LRRC7: variants seen among roughly 807,000 people sequenced by gnomAD.
LRRC7 encodes the protein leucine rich repeat containing 7, also known as leucine-rich repeat-containing protein 7.
In LRRC7, 23 loss-of-function variants were observed where a neutral mutation model predicts 175.7. The observed-to-expected ratio is 0.13, with a 90% CI of 0.09 to 0.19. The LOEUF (loss-of-function observed/expected upper bound fraction) is 0.19, where lower values mean the gene tolerates loss of function less well. LRRC7 is among the 10% of genes least tolerant of loss of function. The probability of loss-of-function intolerance (pLI) is 1.00; values close to 1 mark genes in which losing one functional copy is unlikely to be tolerated. For missense variants in LRRC7, 1,354 were observed against 1,904.7 expected (o/e 0.71, Z 5.38); for synonymous variants, 685 against 680.9 (o/e 1.01, Z -0.09).
chr1:69,826,766 C>T (rs1201933167), intron 5 of LRRC7, among the ~76,000 whole-genome samples: 1 of 152,040 alleles, frequency 6.6e-6, no homozygotes, highest in African/African-American at 2.4e-5. Flanking sequence ...ATTGGAAAGA[C>T]ATTTAATGGA....
intron 8 of LRRC7, among the ~76,000 whole-genome samples, chr1:69,948,839 G>T (rs1279301171): frequency 6.6e-6 from 1 of 152,152 alleles, no homozygotes; most frequent in Admixed American, 6.6e-5. Flanking sequence ...GCACATTACA[G>T]ACTTTCAGTG....
chr1:69,607,469 T>G (rs1292396636), intron 1 of LRRC7: 1 of 152,116 alleles, frequency 6.6e-6, no homozygotes, highest in Non-Finnish European at 1.5e-5. Flanking sequence ...TTTCTTCCCT[T>G]TATACCTTGA....
At chr1:69,896,805 A>G (rs942688670) in intron 7 of LRRC7, among the ~76,000 whole-genome samples, 3 of 152,134 alleles carry the variant, frequency 2.0e-5, no homozygotes, top group Admixed American at 1.3e-4. Context: ...ATTCTGTGGC[A>G]TGGTACTTGG....
intron 23 of LRRC7, among the ~76,000 whole-genome samples, chr1:70,068,704 G>A (rs1662158291): frequency 6.6e-6 from 1 of 151,976 alleles, no homozygotes; most frequent in African/African-American, 2.4e-5. Context: ...CGATTGTGTA[G>A]AATTGGTATG....
At chr1:70,063,101 C>T (rs1661705072) in intron 23 of LRRC7, among the ~76,000 whole-genome samples, 1 of 152,020 alleles carries the variant, frequency 6.6e-6, no homozygotes, top group African/African-American at 2.4e-5. Context: ...GTCACAAAAT[C>T]GGGGATTGTC....
At chr1:69,836,784 G>A (rs1009606608) in intron 6 of LRRC7, among the ~76,000 whole-genome samples, 3 of 151,214 alleles carry the variant, frequency 2.0e-5, no homozygotes, top group Non-Finnish European at 3.0e-5. Flanking sequence ...TCCTTTACTA[G>A]CAATATACCC....
chr1:69,817,201 C>T (rs934976906), intron 4 of LRRC7, among the ~76,000 whole-genome samples: 3 of 151,924 alleles, frequency 2.0e-5, no homozygotes. Flanking sequence ...AGCTCTACCC[C>T]TACTTTTTAT....
chr1:69,919,022 A>G (rs1254364675), intron 7 of LRRC7, among the ~76,000 whole-genome samples: 1 of 152,172 alleles, frequency 6.6e-6, no homozygotes, highest in Non-Finnish European at 1.5e-5. Context: ...CAATAGAAAA[A>G]GACTTAGAGG....
In LRRC7 at chr1:70,121,960, A is replaced by C; in HGVS notation, c.*73A>C. ...AAAAATAAATTTATACATAGAAACA[A>C]ATTTTGCCAATTGCTGGACCAATGG... is the stretch of plus-strand genomic sequence containing the variant. On this transcript the variant is annotated 3_prime_UTR_variant, in exon 27 of 27. Coordinates refer to ENST00000651989, the MANE Select transcript of LRRC7 (RefSeq NM_001370785.2). The C allele has an allele frequency of 9.4e-7, 1 of 1,063,002 alleles. No homozygotes were observed. The highest frequency in any genetic ancestry group is 1.4e-5 in the South Asian group (1 of 73,092). The allele number at this position is 1,063,002 out of a possible 1,614,324, so 65.8% of individuals were successfully genotyped here.
chr1:69,853,981 T>A (rs751169547), intron 7 of LRRC7, among the ~76,000 whole-genome samples: 9 of 152,196 alleles, frequency 5.9e-5, no homozygotes, highest in Non-Finnish European at 8.8e-5. Flanking sequence ...ATGATTATGT[T>A]TGTTAGTCCC....
chr1:70,068,226 A>G (rs943433723), intron 23 of LRRC7, among the ~76,000 whole-genome samples: 4 of 152,120 alleles, frequency 2.6e-5, no homozygotes, highest in African/African-American at 7.2e-5. Context: ...CATTAAGTAT[A>G]TTAGCTATAC....
At chr1:69,946,353 G>A (rs1279286328) in intron 8 of LRRC7, among the ~76,000 whole-genome samples, 1 of 152,142 alleles carries the variant, frequency 6.6e-6, no homozygotes, top group African/African-American at 2.4e-5. Context: ...GTGCACTTGA[G>A]AAAAATGTTT....
At chr1:69,585,921 T>C (rs965591567) in intron 1 of LRRC7, among the ~76,000 whole-genome samples, 3 of 152,222 alleles carry the variant, frequency 2.0e-5, no homozygotes, top group Non-Finnish European at 4.4e-5. Context: ...AGACTGCTTT[T>C]GCTTCTTTTA....
At chr1:70,078,124 A>G (rs1334390709) in intron 24 of LRRC7, among the ~76,000 whole-genome samples, 3 of 152,192 alleles carry the variant, frequency 2.0e-5, no homozygotes, top group Non-Finnish European at 2.9e-5. Flanking sequence ...GGTGATAGGT[A>G]TCCTAAATGC....
In LRRC7 at chr1:70,053,088, A is replaced by G. The variant is rs975744937; in HGVS notation, c.4173A>G (p.Gln1391=). 8.1e-6 allele frequency: 13 copies of G among 1,611,812 alleles called. No homozygotes were observed. In the Admixed American group the frequency reaches 8.4e-5, roughly 10 times the overall value. Residue 1391 remains glutamine, a synonymous_variant, in exon 23 of 27, where the codon CAA becomes CAG. Transcript: ENST00000651989. ...AAGAAGATGTATCTCCTAGTGGCCA[A>G]TGGAATCCTTATCCACTTGGGAGGC... The part of the protein sequence containing the change: ...NGQEDVSPSG[Q]WNPYPLGRRD...
At chr1:69,860,416 T>C (rs1241417771) in intron 7 of LRRC7, among the ~76,000 whole-genome samples, 1 of 152,076 alleles carries the variant, frequency 6.6e-6, no homozygotes, top group Middle Eastern at 3.4e-3. Flanking sequence ...ACGTGACCAA[T>C]ATTGCACAAC....
chr1:69,750,085 TA>T lies in LRRC7; in HGVS notation c.101-10103del, dbSNP rs1235181814. Among the ~76,000 whole-genome samples, 8 of 123,028 alleles carry T rather than the reference TA, an allele frequency of 6.5e-5. 1 individual carries two copies. Among genetic ancestry groups the T allele is most frequent in the East Asian group, 5.1e-4 (2 of 3,946 alleles). The allele number at this position is 123,028 out of a possible 152,430, so 80.7% of individuals were successfully genotyped here. The stretch of plus-strand genomic sequence containing the variant: ...AAAAATAAATAAATAAATAAATAAA[TA>T]AATAAATAATAATAACTGAAAAGTG... On this transcript the variant is annotated intron_variant, in intron 2 of 26. Coordinates refer to ENST00000651989, the MANE Select transcript of LRRC7 (RefSeq NM_001370785.2).
chr1:69,682,729 T>C (rs1362459297), intron 2 of LRRC7, among the ~76,000 whole-genome samples: 1 of 152,134 alleles, frequency 6.6e-6, no homozygotes, highest in Non-Finnish European at 1.5e-5. Flanking sequence ...AATAAATTTT[T>C]GTTGTTTATA....
chr1:69,812,745 T>C (rs2101151036), intron 4 of LRRC7, among the ~76,000 whole-genome samples: 1 of 152,280 alleles, frequency 6.6e-6, no homozygotes, highest in East Asian at 1.9e-4. Flanking sequence ...AAGCATTCAA[T>C]ATGCATTATT....
Sources: allele counts gnomAD v4.1 joint callset (sites outside exome capture counted in the v4.1 genomes callset), GRCh38; gene constraint gnomAD v4.1.1; transcripts MANE v1.5; gene names NCBI Gene and HGNC (gene_info 2026-07-23, HGNC 2026-07-21).